Variants in MPHOSPH10 observed in about 807,000 individuals in gnomAD.
MPHOSPH10 encodes M-phase phosphoprotein 10, also known as U3 small nucleolar ribonucleoprotein MPP10.
Under a neutral mutation model 77.3 loss-of-function variants are expected in MPHOSPH10, and 33 were observed. That is an observed-to-expected ratio of 0.43 (90% confidence interval 0.32 to 0.57). The LOEUF (loss-of-function observed/expected upper bound fraction) is 0.57, where lower values mean the gene tolerates loss of function less well. Ranked by LOEUF, MPHOSPH10 falls within the 20% of genes least tolerant of loss-of-function variation. The pLI, the probability that MPHOSPH10 is intolerant of heterozygous loss-of-function variation, is 0.07. For synonymous variants in MPHOSPH10, 245 were observed against 268.0 expected, an observed-to-expected ratio of 0.91 and a Z score of 0.84; for missense variants, 708 against 780.1, an observed-to-expected ratio of 0.91 and a Z score of 1.10.
intron 9 of MPHOSPH10, chr2:71,148,983 AT>A: frequency 1.9e-6 from 1 of 516,800 alleles, no homozygotes; most frequent in South Asian, 2.6e-5. Flanking sequence ...CTTCTTGTGA[AT>A]TAGTTTGGGA....
chr2:71,135,708 T>C (rs1388457067), intron 4 of MPHOSPH10, among the ~76,000 whole-genome samples: 4 of 148,448 alleles, frequency 2.7e-5, no homozygotes, highest in Non-Finnish European at 6.0e-5. Context: ...TTTTCTTTTT[T>C]TTTTTTTTTT....
chr2:71,146,790 T>C (rs183988756), intron 8 of MPHOSPH10, among the ~76,000 whole-genome samples: 1 of 152,316 alleles, frequency 6.6e-6, no homozygotes, highest in Non-Finnish European at 1.5e-5. Flanking sequence ...GAATCCAGGA[T>C]CCTATTGTGT....
chr2:71,140,068 G>A (rs17655204), intron 6 of MPHOSPH10, among the ~76,000 whole-genome samples: 8,462 of 152,224 alleles, frequency 0.056, 333 homozygotes, highest in Non-Finnish European at 0.085. Flanking sequence ...CCTGAGAGGA[G>A]CAAGAAGCCA....
Position 71,130,669 on chromosome 2 carries a change from G to T in MPHOSPH10, c.4G>T (p.Ala2Ser), listed in dbSNP as rs368472996. The T allele has an allele frequency of 3.7e-6, 6 of 1,608,304 alleles. No individual in the cohort carries two copies. The highest frequency in any genetic ancestry group is 4.5e-5 in the East Asian group (2 of 44,736). Reference sequence around the variant, plus strand: ...GTGTCGGGAGTTGCTGACAGCCATGGCGCCGCAGGTCTGGCGTCGACGGAC... The same window carrying T: ...GTGTCGGGAGTTGCTGACAGCCATGTCGCCGCAGGTCTGGCGTCGACGGAC... M[A>S]PQVWRRRTLE... is the part of the protein sequence containing the mutation. The change falls in exon 1 of 11, where the codon GCG becomes TCG. Residue 2 changes from alanine to serine, a missense_variant. By Grantham distance (99) the Ala-to-Ser change is moderately conservative. Transcript: ENST00000244230.
At chr2:71,130,830 G>A (rs1673362942) in intron 1 of MPHOSPH10, 76 bp downstream of exon 1, 3 of 1,375,768 alleles carry the variant, frequency 2.2e-6, no homozygotes, top group South Asian at 2.5e-5. Context: ...CCGGCAAATT[G>A]TGGAGCTGGG....
Position 71,138,603 on chromosome 2 carries a change from C to G in MPHOSPH10, c.1212C>G (p.Thr404=), listed in dbSNP as rs769651496. 6 of 1,613,976 alleles carry G rather than the reference C, an allele frequency of 3.7e-6. No homozygotes were observed. The highest frequency in any genetic ancestry group is 5.1e-6 in the Non-Finnish European group (6 of 1,180,034). Residue 404 remains threonine (T), a synonymous_variant, in exon 5 of 11, where the codon ACC becomes ACG. Coordinates refer to ENST00000244230, the MANE Select transcript of MPHOSPH10 (RefSeq NM_005791.3). ...CAGAGAACAGCCTCCTGGAGGAGAC[C>G]CTACACTTTGACCATGCTGTCCGGA... ...KRPENSLLEE[T]LHFDHAVRMA...
At position 71,139,858 on chromosome 2, in the gene MPHOSPH10, A is replaced by T; in HGVS notation, c.1304A>T (p.Asp435Val). The part of the protein sequence containing the change: ...LEDIIKQRIR[D>V]QAWDDVVRKE... The stretch of plus-strand genomic sequence containing the variant: ...GATATCATTAAACAGAGGATAAGAG[A>T]TCAGGTCAGTAAGAATTAAATTTAA... The change falls in exon 6 of 11, where the codon GAT (aspartate) becomes GTT (valine). Residue 435 changes from aspartate to valine, a missense_variant. Around this residue, in one of 3 missense-constraint regions of MPHOSPH10, gnomAD observed 263 missense variants for 320.0 expected, o/e 0.82. Transcript: ENST00000244230. The T allele has an allele frequency of 6.3e-7, 1 of 1,596,484 alleles. No individual in the cohort carries two copies.
In MPHOSPH10 at chr2:71,150,026, A is replaced by G; in HGVS notation, c.*11A>G. The G allele has an allele frequency of 8.3e-7, 1 of 1,199,888 alleles. No individual in the cohort carries two copies. The highest frequency in any genetic ancestry group is 1.1e-6 in the Non-Finnish European group (1 of 870,490). The allele number at this position is 1,199,888 out of a possible 1,614,324, so 74.3% of individuals were successfully genotyped here. ...AAATTAAAGCTGTAATATATTTTGAATATAATGTAAATATTAATGTGTAAG... is the reference window on the plus strand; with the variant it reads ...AAATTAAAGCTGTAATATATTTTGAGTATAATGTAAATATTAATGTGTAAG... On this transcript the variant is annotated 3_prime_UTR_variant, in exon 11 of 11. Coordinates refer to ENST00000244230, the MANE Select transcript of MPHOSPH10 (RefSeq NM_005791.3).
At chr2:71,135,331 A>T (rs1344273024) in intron 4 of MPHOSPH10, among the ~76,000 whole-genome samples, 1 of 151,690 alleles carries the variant, frequency 6.6e-6, no homozygotes, top group Admixed American at 6.6e-5. Context: ...GGATCACTTC[A>T]GGTCAGGAGT....
intron 4 of MPHOSPH10, 29 bp downstream of exon 4, chr2:71,134,826 A>G (rs1274745239): frequency 6.9e-7 from 1 of 1,457,516 alleles, no homozygotes. Flanking sequence ...AATTTTTAAT[A>G]TACTTGATAT....
intron 8 of MPHOSPH10, 147 bp downstream of exon 8, chr2:71,144,685 C>T: frequency 1.6e-6 from 1 of 637,336 alleles, no homozygotes; most frequent in South Asian, 2.0e-5. Flanking sequence ...GAGGAAAGCT[C>T]ACTTCTGGTC....
At chr2:71,141,930 G>A (rs563177896) in intron 7 of MPHOSPH10, among the ~76,000 whole-genome samples, 1 of 152,204 alleles carries the variant, frequency 6.6e-6, no homozygotes, top group South Asian at 2.1e-4. Context: ...TACTTGGGAG[G>A]CCGAGGCAGG....
intron 2 of MPHOSPH10, 82 bp from the exon 3 acceptor site, chr2:71,133,866 C>A: frequency 4.0e-6 from 4 of 1,002,130 alleles, no homozygotes; most frequent in Non-Finnish European, 5.7e-6. Context: ...TATATACATA[C>A]AATATACATG....
chr2:71,139,002 C>G lies in MPHOSPH10; in HGVS notation c.1240+371C>G. Reference sequence around the variant, plus strand: ...TGAGCCAAGGTTGTGCCAGTGTGCTCCAGCGTGGGCAGCCTGGGCAACAGA... The same window carrying G: ...TGAGCCAAGGTTGTGCCAGTGTGCTGCAGCGTGGGCAGCCTGGGCAACAGA... On this transcript the variant is annotated intron_variant, in intron 5 of 10. Transcript: ENST00000244230. 1.0e-5 allele frequency: 5 copies of G among 493,996 alleles called. No homozygotes were observed. In the South Asian group the frequency reaches 1.3e-4, roughly 13 times the overall value. The allele number at this position is 493,996 out of a possible 1,614,324, so 30.6% of individuals were successfully genotyped here.
At chr2:71,138,754 G>A (rs545033948) in intron 5 of MPHOSPH10, 123 bp downstream of exon 5, 1 of 1,352,636 alleles carries the variant, frequency 7.4e-7, no homozygotes, top group Non-Finnish European at 1.0e-6. Flanking sequence ...TAAACACATG[G>A]CTTGGCATGG....
At chr2:71,135,506 C>T (rs1673470236) in intron 4 of MPHOSPH10, among the ~76,000 whole-genome samples, 1 of 151,702 alleles carries the variant, frequency 6.6e-6, no homozygotes, top group African/African-American at 2.4e-5. Context: ...GAGATGGTGT[C>T]ACTGGACTCC....
intron 3 of MPHOSPH10, 60 bp from the exon 4 acceptor site, chr2:71,134,566 C>A: frequency 1.4e-6 from 2 of 1,476,218 alleles, no homozygotes; most frequent in Non-Finnish European, 1.8e-6. Flanking sequence ...AAATTTGTTT[C>A]CTTTTGTTTT....
In MPHOSPH10 at chr2:71,132,932, T is replaced by C; in HGVS notation, c.124T>C (p.Leu42=). 5.6e-6 allele frequency: 9 copies of C among 1,611,502 alleles called. No individual in the cohort carries two copies. The highest frequency in any genetic ancestry group is 7.6e-6 in the Non-Finnish European group (9 of 1,178,452). ...QEGLASKFTS[L]TKVLYDFNKI... is the part of the protein sequence containing the mutation. Reference sequence around the variant, plus strand: ...GGGATTGGCATCAAAGTTCACTTCTTTAACAAAAGTGCTTTATGACTTTAA... The same window carrying C: ...GGGATTGGCATCAAAGTTCACTTCTCTAACAAAAGTGCTTTATGACTTTAA... The change falls in exon 2 of 11, where the codon TTA becomes CTA. Residue 42 remains leucine, a synonymous_variant. Coordinates refer to ENST00000244230, the MANE Select transcript of MPHOSPH10 (RefSeq NM_005791.3).
intron 5 of MPHOSPH10, 90 bp from the exon 6 acceptor site, chr2:71,139,705 C>T (rs901737164): frequency 1.3e-5 from 11 of 829,420 alleles, no homozygotes; most frequent in Admixed American, 2.4e-5. Flanking sequence ...CAAGTTCCCA[C>T]GTGTTGCTGA....
Sources: gnomAD v4.1 joint callset for allele counts (sites outside exome capture counted in the v4.1 genomes callset) on GRCh38, gnomAD v4.1.1 for gene constraint, gnomAD v4.1.1 regional missense constraint, MANE v1.5 for transcripts, NCBI Gene and HGNC (gene_info 2026-07-23, HGNC 2026-07-21) for gene names.